Variants in HEATR4 observed in about 807,000 individuals in gnomAD.
HEATR4 encodes HEAT repeat-containing protein 4.
HEATR4 carries 95 observed loss-of-function variants against 108.8 expected under a neutral mutation model. That is an observed-to-expected ratio of 0.87 (90% CI 0.74 to 1.04). The LOEUF (loss-of-function observed/expected upper bound fraction) is 1.04, where lower values mean the gene tolerates loss of function less well. Among genes scored for constraint, HEATR4 ranks in the 50% least tolerant of loss-of-function variants. The pLI is 0.00. For missense variants in HEATR4, 1,152 were observed against 1,253.8 expected, an observed-to-expected ratio of 0.92 and a Z score of 1.23; for synonymous variants, 443 against 459.4, an observed-to-expected ratio of 0.96 and a Z score of 0.46.
chr14:73,573,314 T>G, the HEATR4 span: 1 of 1,600,320 alleles, frequency 6.2e-7, no homozygotes, highest in Non-Finnish European at 8.6e-7. Flanking sequence ...GTGTGGTAAG[T>G]ATATGTTTAA....
the HEATR4 span, chr14:73,617,343 G>A: frequency 9.2e-7 from 1 of 1,081,822 alleles, no homozygotes. Flanking sequence ...AGCTGGGCAT[G>A]GTGATGTGCA....
intron 1 of HEATR4, among the ~76,000 whole-genome samples, chr14:73,549,416 G>A (rs1164456113): frequency 7.9e-6 from 1 of 126,420 alleles, no homozygotes; most frequent in African/African-American, 2.7e-5. Flanking sequence ...AGTTATTAGA[G>A]CTAATCATTA....
intron 7 of HEATR4, among the ~76,000 whole-genome samples, 191 bp from the exon 8 acceptor site, chr14:73,509,664 T>C (rs12893001): frequency 1.5e-3 from 228 of 151,418 alleles, no homozygotes; most frequent in Middle Eastern, 3.4e-3. Context: ...AAAGCTCACC[T>C]GTGTGCTGGT....
chr14:73,546,546 A>G (rs1889235409), intron 1 of HEATR4, among the ~76,000 whole-genome samples: 1 of 113,144 alleles, frequency 8.8e-6, no homozygotes, highest in South Asian at 2.8e-4. Flanking sequence ...GTATTTTTGC[A>G]GAGACAAGGT....
upstream of HEATR4, among the ~76,000 whole-genome samples, chr14:73,561,660 G>A (rs1889532967): frequency 6.6e-6 from 1 of 151,694 alleles, no homozygotes; most frequent in Admixed American, 6.6e-5. Context: ...CCCCAGCCGG[G>A]CAACAAGAGT....
chr14:73,509,734 GAAT>G (rs1887080903), intron 7 of HEATR4, among the ~76,000 whole-genome samples: 1 of 143,994 alleles, frequency 6.9e-6, no homozygotes, highest in South Asian at 2.2e-4. Context: ...AGCCGAAGAA[GAAT>G]GTTTCCAGCT....
At chr14:73,603,343 GT>G in the HEATR4 span, among the ~76,000 whole-genome samples, 6 of 151,360 alleles carry the variant, frequency 4.0e-5, no homozygotes, top group South Asian at 4.2e-4. Context: ...CCAATAATCT[GT>G]TTTTTTTGTT....
the HEATR4 span, chr14:73,595,211 T>C: frequency 6.2e-7 from 1 of 1,614,200 alleles, no homozygotes. Context: ...CATTCCACCA[T>C]TGGGCTATGA....
the HEATR4 span, among the ~76,000 whole-genome samples, chr14:73,589,309 C>CTT: frequency 7.2e-6 from 1 of 139,152 alleles, no homozygotes; most frequent in African/African-American, 3.3e-5. Context: ...TCTTCCTTCC[C>CTT]TTTTTTCTTT....
In HEATR4 at chr14:73,544,798, G is replaced by T. The variant is rs1190918895; in HGVS notation, c.-152+13953C>A. Among the ~76,000 whole-genome samples the T allele has an allele frequency of 1.8e-5, 2 of 112,058 alleles. 1 individual carries two copies. Among genetic ancestry groups the T allele is most frequent in the Admixed American group, 2.1e-4 (2 of 9,756 alleles). 73.5% of individuals were successfully genotyped at this position (112,058 alleles called of 152,430 possible). A position where few individuals can be genotyped will look rare whatever the true frequency, so the allele number is the denominator to read the frequency against. ...CAAACAAATACCAGACATTGTGGCG[G>T]ATGCCTGTAGTCCCAGCTACTGGGG... On this transcript the variant is annotated intron_variant, in intron 1 of 17. Coordinates refer to ENST00000553558, the MANE Select transcript of HEATR4 (RefSeq NM_001220484.1).
At chr14:73,592,358 G>C in the HEATR4 span, 2 of 1,588,630 alleles carry the variant, frequency 1.3e-6, no homozygotes. Flanking sequence ...TCCCGCCAGG[G>C]GTGCGGCGCC....
chr14:73,518,187 A>G (rs1437275380), intron 5 of HEATR4, among the ~76,000 whole-genome samples: 1 of 152,160 alleles, frequency 6.6e-6, no homozygotes, highest in Non-Finnish European at 1.5e-5. Context: ...CCAAGGATAG[A>G]CTGAGCCCAG....
At chr14:73,527,412 C>T (rs973100567) in intron 2 of HEATR4, 8 of 150,988 alleles carry the variant, frequency 5.3e-5, no homozygotes, top group Non-Finnish European at 1.0e-4. Context: ...GAGATAACAC[C>T]GAGAAGAAAT....
At chr14:73,541,470 A>G (rs1370701106) in intron 1 of HEATR4, 1 of 1,242,176 alleles carries the variant, frequency 8.1e-7, no homozygotes, top group Non-Finnish European at 1.1e-6. Flanking sequence ...TTAGTTTTGC[A>G]TTTTGTTTTG....
chr14:73,501,424 C>T (rs1356770191), intron 11 of HEATR4, among the ~76,000 whole-genome samples: 2 of 151,142 alleles, frequency 1.3e-5, no homozygotes, highest in African/African-American at 4.9e-5. Context: ...CGCGCCCGGC[C>T]TTAAATTATT....
intron 11 of HEATR4, among the ~76,000 whole-genome samples, chr14:73,502,350 G>T (rs1361794624): frequency 6.6e-6 from 1 of 152,126 alleles, no homozygotes; most frequent in Non-Finnish European, 1.5e-5. Flanking sequence ...TATTTTGCAT[G>T]TGGTCATCAG....
the HEATR4 span, chr14:73,575,619 T>A: frequency 6.4e-7 from 1 of 1,560,210 alleles, no homozygotes; most frequent in East Asian, 2.2e-5. Flanking sequence ...ATAACTAAAG[T>A]TTTTTCCCCT....
At chr14:73,485,439 A>G (rs993441247) in intron 17 of HEATR4, among the ~76,000 whole-genome samples, 2 of 141,428 alleles carry the variant, frequency 1.4e-5, no homozygotes, top group South Asian at 2.2e-4. Context: ...GTTTGGCTCT[A>G]TTGCCCAGGC....
At chr14:73,560,653 C>A (rs1170569564), upstream of HEATR4, among the ~76,000 whole-genome samples, 9 of 138,836 alleles carry the variant, frequency 6.5e-5, no homozygotes, top group African/African-American at 2.4e-4. Context: ...CAGAGCAAGA[C>A]TCCATCTCAA....
Sources: gnomAD v4.1 joint callset for allele counts (sites outside exome capture counted in the v4.1 genomes callset) on GRCh38, gnomAD v4.1.1 for gene constraint, MANE v1.5 for transcripts, NCBI Gene and HGNC (gene_info 2026-07-23, HGNC 2026-07-21) for gene names.